Variants in CLEC17A observed in about 807,000 individuals in gnomAD.
The protein encoded by CLEC17A is C-type lectin domain family 17, member A.
A neutral mutation model predicts 61.3 loss-of-function variants in CLEC17A; 37 were observed. That is an observed-to-expected ratio of 0.60 (90% CI 0.46 to 0.79). The LOEUF is 0.79. Among genes scored for constraint, CLEC17A ranks in the 30% least tolerant of loss-of-function variants. The probability of loss-of-function intolerance (pLI) is 0.00; values close to 1 mark genes in which losing one functional copy is unlikely to be tolerated. For synonymous variants in CLEC17A, 168 were observed against 164.9 expected (o/e 1.02, Z -0.14); for missense variants, 418 against 464.7 (o/e 0.90, Z 0.92).
intron 12 of CLEC17A, among the ~76,000 whole-genome samples, chr19:14,601,420 G>T (rs2074714058): frequency 1.3e-5 from 2 of 152,136 alleles, no homozygotes; most frequent in Non-Finnish European, 2.9e-5. Context: ...TTAATGATTT[G>T]CTACTACAAT....
At chr19:14,590,952 C>A (rs1231959507) in intron 3 of CLEC17A, among the ~76,000 whole-genome samples, 1 of 151,700 alleles carries the variant, frequency 6.6e-6, no homozygotes, top group Non-Finnish European at 1.5e-5. Context: ...CCTGCCTTGG[C>A]CTCCCAAAGT....
upstream of CLEC17A, among the ~76,000 whole-genome samples, chr19:14,582,716 T>C (rs915219526): frequency 5.3e-5 from 8 of 152,082 alleles, no homozygotes; most frequent in African/African-American, 1.9e-4. Context: ...CAAGCGATTC[T>C]CCTGCCTCAG....
intron 11 of CLEC17A, 58 bp from the exon 12 acceptor site, chr19:14,599,973 A>G (rs1295844439): frequency 1.3e-6 from 2 of 1,592,634 alleles, no homozygotes; most frequent in African/African-American, 2.7e-5. Flanking sequence ...TACATGGCAT[A>G]CTATGTACAT....
upstream of CLEC17A, among the ~76,000 whole-genome samples, chr19:14,582,563 C>G (rs550582139): frequency 2.6e-5 from 4 of 152,056 alleles, no homozygotes; most frequent in South Asian, 6.2e-4. Flanking sequence ...CCATCCATCT[C>G]AAGACCCTTA....
intron 4 of CLEC17A, among the ~76,000 whole-genome samples, 171 bp downstream of exon 4, chr19:14,592,529 C>A (rs758524530): frequency 6.6e-6 from 1 of 152,062 alleles, no homozygotes; most frequent in Non-Finnish European, 1.5e-5. Context: ...ATGGCAGAGG[C>A]GGGTTTGGAC....
At chr19:14,583,695 GA>G (rs1439701744) in intron 2 of CLEC17A, among the ~76,000 whole-genome samples, 2 of 151,906 alleles carry the variant, frequency 1.3e-5, no homozygotes, top group African/African-American at 4.8e-5. Flanking sequence ...TCAAATAGAG[GA>G]AGGGACTTTG....
At chr19:14,596,794 T>A (rs754594972) in intron 8 of CLEC17A, 82 bp from the exon 9 acceptor site, 35 of 1,494,438 alleles carry the variant, frequency 2.3e-5, no homozygotes, top group Non-Finnish European at 3.2e-5. Flanking sequence ...TGCCCCCTGC[T>A]CTTGGACAAA....
chr19:14,606,311 C>G (rs2074866651), intron 12 of CLEC17A, among the ~76,000 whole-genome samples: 1 of 148,942 alleles, frequency 6.7e-6, no homozygotes, highest in Admixed American at 6.8e-5. Context: ...ACCTTTGGGA[C>G]ATGCAGTGAG....
In CLEC17A at chr19:14,612,018, A is replaced by G. The variant is rs1420198694; in HGVS notation, c.*1822A>G. 2.0e-5 allele frequency among the ~76,000 whole-genome samples: 3 copies of G among 152,052 alleles called. No homozygotes were observed. The highest frequency in any genetic ancestry group is 2.9e-5 in the Non-Finnish European group (2 of 68,006). ...GACTCCATCTCAAATAAATAAATAA[A>G]AATAAAAATTCACTTTACTTCTGTG... On this transcript the variant is annotated 3_prime_UTR_variant, in exon 14 of 14. Coordinates refer to ENST00000417570, the MANE Select transcript of CLEC17A (RefSeq NM_001204118.2).
chr19:14,595,342 A>G, intron 8 of CLEC17A, 27 bp downstream of exon 8: 1 of 1,613,094 alleles, frequency 6.2e-7, no homozygotes, highest in East Asian at 2.2e-5. Context: ...TTCCCCTCTG[A>G]CAGTGGCTAG....
rs751538925 is a variant in CLEC17A at position 14,600,061 on chromosome 19, G to C, written c.773G>C (p.Trp258Ser). 4.3e-6 allele frequency: 7 copies of C among 1,614,024 alleles called. No individual in the cohort carries two copies. The highest frequency in any genetic ancestry group is 1.1e-5 in the South Asian group (1 of 91,088). ...CGCCGAATTACCTGTCCTGAAGGCT[G>C]GCTGCCCTTTGAGGGCAAGTGTTAC... Reference protein sequence around the residue: ...DCRRITCPEGWLPFEGKCYYF... With the variant: ...DCRRITCPEGSLPFEGKCYYF... The change falls in exon 12 of 14, where the codon TGG becomes TCG. Residue 258 changes from tryptophan to serine, a missense_variant. Coordinates refer to ENST00000417570, the MANE Select transcript of CLEC17A (RefSeq NM_001204118.2).
intron 8 of CLEC17A, among the ~76,000 whole-genome samples, chr19:14,596,384 C>G (rs1416362736): frequency 6.6e-6 from 1 of 152,160 alleles, no homozygotes; most frequent in Non-Finnish European, 1.5e-5. Flanking sequence ...AATCCCAGCA[C>G]TTTGGGAGGC....
chr19:14,587,803 G>A, intron 3 of CLEC17A, 112 bp downstream of exon 3: 2 of 1,541,226 alleles, frequency 1.3e-6, no homozygotes, highest in South Asian at 1.2e-5. Context: ...CACAGCCCAT[G>A]CCGGGCACTG....
At chr19:14,581,306 C>T (rs375462007), upstream of CLEC17A, among the ~76,000 whole-genome samples, 25 of 152,198 alleles carry the variant, frequency 1.6e-4, no homozygotes, top group African/African-American at 5.5e-4. Context: ...GACTCGGAAC[C>T]ACAGAAATAA....
intron 4 of CLEC17A, among the ~76,000 whole-genome samples, chr19:14,592,677 T>G (rs1284521434): frequency 2.6e-5 from 4 of 152,010 alleles, no homozygotes; most frequent in African/African-American, 9.7e-5. Flanking sequence ...TTTTTTTCTT[T>G]TTTTTTGAGA....
At chr19:14,606,943 C>A (rs886739956) in intron 12 of CLEC17A, 50 bp from the exon 13 acceptor site, 4 of 1,027,686 alleles carry the variant, frequency 3.9e-6, no homozygotes, top group Admixed American at 4.0e-5. Context: ...GGTCCTCACC[C>A]TGAGGGTCAT....
At chr19:14,592,513 A>C (rs1220596459) in intron 4 of CLEC17A, among the ~76,000 whole-genome samples, 155 bp downstream of exon 4, 1 of 152,182 alleles carries the variant, frequency 6.6e-6, no homozygotes, top group African/African-American at 2.4e-5. Context: ...AGGACCTGTC[A>C]GTCTGATGGC....
chr19:14,596,635 A>G (rs1191446019), intron 8 of CLEC17A, among the ~76,000 whole-genome samples: 1 of 152,130 alleles, frequency 6.6e-6, no homozygotes, highest in African/African-American at 2.4e-5. Context: ...CCTTGTTTCA[A>G]GAAGGAAAGA....
chr19:14,590,611 T>C (rs1166527905), intron 3 of CLEC17A, among the ~76,000 whole-genome samples: 2 of 152,152 alleles, frequency 1.3e-5, no homozygotes, highest in African/African-American at 4.8e-5. Context: ...GGTCTCGAAC[T>C]CCCGACCTCA....
Sources: allele counts gnomAD v4.1 joint callset (sites outside exome capture counted in the v4.1 genomes callset), GRCh38; gene constraint gnomAD v4.1.1; transcripts MANE v1.5; gene names NCBI Gene and HGNC (gene_info 2026-07-23, HGNC 2026-07-21).